The following CCNB3 variants were observed in gnomAD, a reference collection of about 807,000 sequenced individuals.
The protein encoded by CCNB3 is G2/mitotic-specific cyclin-B3.
A neutral mutation model predicts 68.0 loss-of-function variants in CCNB3; 12 were observed. The observed-to-expected ratio is 0.18, with a 90% confidence interval of 0.11 to 0.29. The LOEUF (loss-of-function observed/expected upper bound fraction) is 0.29, where lower values mean the gene tolerates loss of function less well. CCNB3 is among the 10% of genes least tolerant of loss of function. CCNB3 has a pLI of 1.00. For synonymous variants in CCNB3, 354 were observed against 388.9 expected (o/e 0.91, Z 1.06); for missense variants, 904 against 993.1 (o/e 0.91, Z 1.21).
At chrX:50,301,941 G>A (rs1266586623) in intron 5 of CCNB3, among the ~76,000 whole-genome samples, 4 of 112,842 alleles carry the variant, frequency 3.5e-5, no homozygotes, top group Non-Finnish European at 5.6e-5. Context: ...GCCATGTGCG[G>A]GATATAATCT....
rs1217128109 is a variant in CCNB3 at position 50,327,952 on chromosome X, G to A, written c.3516+14004G>A. Among the ~76,000 whole-genome samples the A allele has an allele frequency of 7.1e-5, 8 of 112,148 alleles. No individual in the cohort carries two copies. In the East Asian group the frequency reaches 2.2e-3, roughly 31 times the overall value. On this transcript the variant is annotated intron_variant, in intron 8 of 12. Coordinates refer to ENST00000376042, the MANE Select transcript of CCNB3 (RefSeq NM_033031.3). Reference sequence around the variant, plus strand: ...AGGATACTTAAATATAGAAAAGGGAGGCAGAGAGTGATACAATGTGAGAAC... The same window carrying A: ...AGGATACTTAAATATAGAAAAGGGAAGCAGAGAGTGATACAATGTGAGAAC...
chrX:50,228,576 G>C (rs1460467057), intron 1 of CCNB3, among the ~76,000 whole-genome samples: 2 of 78,604 alleles, frequency 2.5e-5, no homozygotes, highest in South Asian at 5.6e-4. Flanking sequence ...ATAATATATA[G>C]AATATATATA....
intron 1 of CCNB3, among the ~76,000 whole-genome samples, chrX:50,211,056 A>G (rs1935474380): frequency 9.0e-6 from 1 of 110,553 alleles, no homozygotes; most frequent in Non-Finnish European, 1.9e-5. Flanking sequence ...TGAGCTCAGG[A>G]ATTCAAGACC....
chrX:50,304,620 A>T (rs1196503284), intron 5 of CCNB3, among the ~76,000 whole-genome samples: 3 of 112,033 alleles, frequency 2.7e-5, no homozygotes, highest in Non-Finnish European at 5.6e-5. Flanking sequence ...AAAACACCAA[A>T]AGCAATGGCA....
intron 11 of CCNB3, among the ~76,000 whole-genome samples, chrX:50,350,779 T>A (rs1403742432): frequency 1.8e-5 from 2 of 109,369 alleles, no homozygotes; most frequent in African/African-American, 6.7e-5. Flanking sequence ...CACTGCAGCC[T>A]CGAACTCCTG....
chrX:50,225,612 G>A (rs1333868584), intron 1 of CCNB3, among the ~76,000 whole-genome samples: 5 of 110,273 alleles, frequency 4.5e-5, no homozygotes, highest in Admixed American at 9.9e-5. Context: ...AGGTGGCAGC[G>A]GAGATGGAGA....
chrX:50,342,098 G>C, intron 8 of CCNB3, 104 bp from the exon 9 acceptor site: 1 of 957,678 alleles, frequency 1.0e-6, no homozygotes, highest in Non-Finnish European at 1.5e-6. Context: ...CAGCTAGTCA[G>C]GACTGTTCTT....
chrX:50,281,952 C>T (rs182128094), intron 1 of CCNB3, among the ~76,000 whole-genome samples: 1 of 111,184 alleles, frequency 9.0e-6, no homozygotes, highest in East Asian at 2.8e-4. Context: ...TCAGCTTTGG[C>T]TTTCTCACCA....
chrX:50,228,358 A>T (rs1336890667), intron 1 of CCNB3, among the ~76,000 whole-genome samples: 1 of 86,339 alleles, frequency 1.2e-5, no homozygotes, highest in Non-Finnish European at 2.2e-5. Flanking sequence ...TATATAGAAG[A>T]TATATATACA....
intron 1 of CCNB3, among the ~76,000 whole-genome samples, chrX:50,217,289 T>C (rs905921840): frequency 3.0e-4 from 28 of 94,114 alleles, no homozygotes; most frequent in African/African-American, 1.1e-3. Context: ...TTTTTTTTTT[T>C]TTGAGACGGA....
At chrX:50,307,933 A>G (rs1034150380) in intron 5 of CCNB3, among the ~76,000 whole-genome samples, 4 of 112,058 alleles carry the variant, frequency 3.6e-5, no homozygotes, top group African/African-American at 1.3e-4. Context: ...TGAATATACA[A>G]TCCTATTCAA....
At chrX:50,318,442 G>A (rs1921848851) in intron 8 of CCNB3, among the ~76,000 whole-genome samples, 1 of 111,117 alleles carries the variant, frequency 9.0e-6, no homozygotes, top group South Asian at 3.8e-4. Context: ...GAACCTGGGA[G>A]GCGGAAGTTA....
At chrX:50,315,489 C>T (rs1310433145) in intron 8 of CCNB3, among the ~76,000 whole-genome samples, 1 of 111,226 alleles carries the variant, frequency 9.0e-6, no homozygotes, top group Non-Finnish European at 1.9e-5. Context: ...GTATACCCTT[C>T]ACCCTAGTTT....
At chrX:50,211,004 G>C (rs1349998187) in intron 1 of CCNB3, among the ~76,000 whole-genome samples, 1 of 111,482 alleles carries the variant, frequency 9.0e-6, no homozygotes, top group Non-Finnish European at 1.9e-5. Flanking sequence ...GCTCACACCT[G>C]TAATTGCAGC....
At chrX:50,286,466 A>C (rs1936236790) in intron 3 of CCNB3, among the ~76,000 whole-genome samples, 1 of 109,933 alleles carries the variant, frequency 9.1e-6, no homozygotes, top group Admixed American at 9.7e-5. Context: ...TGCCCGGCTA[A>C]TTTTTGTATT....
Position 50,228,017 on chromosome X carries a change from A to G in CCNB3, c.-113+23067A>G, listed in dbSNP as rs1302109043. 4.7e-5 allele frequency among the ~76,000 whole-genome samples: 4 copies of G among 85,395 alleles called. No individual in the cohort carries two copies. The Admixed American group carries it at 6.3e-4, about 13-fold the overall frequency. 74.2% of individuals were successfully genotyped at this position (85,395 alleles called of 115,157 possible). ...ATATATAGAGAATATATATAAATAT[A>G]TAGAGAGAATATATATAGAGAGAAT... On this transcript the variant is annotated intron_variant, in intron 1 of 12. Coordinates refer to ENST00000376042, the MANE Select transcript of CCNB3 (RefSeq NM_033031.3).
intron 1 of CCNB3, among the ~76,000 whole-genome samples, chrX:50,279,901 G>C (rs1387711154): frequency 2.4e-5 from 2 of 82,595 alleles, no homozygotes; most frequent in African/African-American, 9.5e-5. Flanking sequence ...AATATATAGT[G>C]TATATATATA....
At chrX:50,211,610 G>A (rs1935484368) in intron 1 of CCNB3, among the ~76,000 whole-genome samples, 1 of 111,562 alleles carries the variant, frequency 9.0e-6, no homozygotes, top group African/African-American at 3.3e-5. Context: ...AGCCCAGGAG[G>A]TTGATGCTGC....
At chrX:50,223,178 G>A (rs995675039) in intron 1 of CCNB3, among the ~76,000 whole-genome samples, 2 of 110,688 alleles carry the variant, frequency 1.8e-5, no homozygotes, top group African/African-American at 6.6e-5. Flanking sequence ...TTTTATCAAG[G>A]TTCTTAGCTT....
Sources: gnomAD v4.1 joint callset for allele counts (sites outside exome capture counted in the v4.1 genomes callset) on GRCh38, gnomAD v4.1.1 for gene constraint, MANE v1.5 for transcripts, NCBI Gene and HGNC (gene_info 2026-07-23, HGNC 2026-07-21) for gene names.